The following FAM83B variants were observed in gnomAD, a reference collection of about 807,000 sequenced individuals.
FAM83B encodes the protein scaffolding CK1 anchoring protein B, also known as protein FAM83B.
Under a neutral mutation model 38.8 loss-of-function variants are expected in FAM83B, and 26 were observed. The observed-to-expected ratio is 0.67, with a 90% confidence interval of 0.49 to 0.93. The LOEUF (loss-of-function observed/expected upper bound fraction) is 0.93, where lower values mean the gene tolerates loss of function less well. Ranked by LOEUF, FAM83B falls within the 40% of genes least tolerant of loss-of-function variation. The pLI is 0.00. For synonymous variants in FAM83B, 419 were observed against 423.1 expected (o/e 0.99, Z 0.12); for missense variants, 1,237 against 1,197.3 (o/e 1.03, Z -0.49).
rs1158526784 is a variant in FAM83B at position 54,941,375 on chromosome 6, A to G, written c.2404A>G (p.Ser802Gly). Residue 802 changes from serine (S) to glycine (G), a missense_variant, in exon 5 of 5, where the codon AGT (serine) becomes GGT (glycine). Transcript: ENST00000306858. Reference protein sequence around the residue: ...NKAPAFYRLCSSSDTLVSEGE... With the variant: ...NKAPAFYRLCGSSDTLVSEGE... Reference sequence around the variant, plus strand: ...AGCACCTGCCTTTTATAGATTGTGTAGTAGCTCTGACACATTAGTTTCTGA... The same window carrying G: ...AGCACCTGCCTTTTATAGATTGTGTGGTAGCTCTGACACATTAGTTTCTGA... 7.4e-6 allele frequency: 12 copies of G among 1,613,546 alleles called. No homozygotes were observed. The highest frequency in any genetic ancestry group is 8.5e-6 in the Non-Finnish European group (10 of 1,179,890).
At chr6:54,931,836 AT>A (rs964730801) in intron 4 of FAM83B, among the ~76,000 whole-genome samples, 7 of 150,158 alleles carry the variant, frequency 4.7e-5, no homozygotes, top group African/African-American at 7.4e-5. Flanking sequence ...TACTATTGTC[AT>A]TTTTTTTCCA....
chr6:54,893,932 C>T (rs1772461526), intron 2 of FAM83B, among the ~76,000 whole-genome samples: 1 of 152,186 alleles, frequency 6.6e-6, no homozygotes, highest in African/African-American at 2.4e-5. Context: ...AATGATTTGA[C>T]ATTCTAATCA....
intron 1 of FAM83B, among the ~76,000 whole-genome samples, chr6:54,850,947 G>A (rs1161265264): frequency 6.7e-6 from 1 of 149,312 alleles, no homozygotes; most frequent in Non-Finnish European, 1.5e-5. Flanking sequence ...GAACCTGGGA[G>A]GCAGAGCTTG....
At chr6:54,918,142 T>C (rs1179267601) in intron 2 of FAM83B, among the ~76,000 whole-genome samples, 1 of 152,174 alleles carries the variant, frequency 6.6e-6, no homozygotes. Flanking sequence ...GATTCTATGG[T>C]AATGAAGTAT....
chr6:54,886,184 C>T (rs940657762), intron 2 of FAM83B, among the ~76,000 whole-genome samples: 18 of 152,056 alleles, frequency 1.2e-4, no homozygotes, highest in Admixed American at 1.2e-3. Context: ...ATTATATTTG[C>T]TGGTATTTTA....
chr6:54,900,261 G>A (rs187444322), intron 2 of FAM83B, among the ~76,000 whole-genome samples: 32 of 152,246 alleles, frequency 2.1e-4, no homozygotes, highest in Admixed American at 2.1e-3. Flanking sequence ...TCTTTCAGTG[G>A]GTTGGAGTGA....
intron 1 of FAM83B, among the ~76,000 whole-genome samples, chr6:54,862,835 G>C (rs1036554851): frequency 2.0e-5 from 3 of 151,382 alleles, no homozygotes; most frequent in African/African-American, 7.3e-5. Context: ...AGTGAGCCGA[G>C]ATCGCGCCAT....
chr6:54,854,475 C>T (rs983325886), intron 1 of FAM83B, among the ~76,000 whole-genome samples: 1 of 152,168 alleles, frequency 6.6e-6, no homozygotes, highest in African/African-American at 2.4e-5. Flanking sequence ...GATCAGTCAG[C>T]AGCCATCAAC....
At chr6:54,939,685 T>C in intron 4 of FAM83B, 21 bp from the exon 5 acceptor site, 1 of 1,539,900 alleles carries the variant, frequency 6.5e-7, no homozygotes, top group Non-Finnish European at 8.7e-7. Context: ...ATGATTAAAA[T>C]TTTTCCATTT....
chr6:54,883,574 G>A (rs888961428), intron 2 of FAM83B, among the ~76,000 whole-genome samples: 1 of 151,416 alleles, frequency 6.6e-6, no homozygotes, highest in Non-Finnish European at 1.5e-5. Flanking sequence ...AACCTCAGGT[G>A]ATCTGCCCTC....
chr6:54,878,963 T>C (rs745707609), intron 2 of FAM83B, among the ~76,000 whole-genome samples: 26 of 152,154 alleles, frequency 1.7e-4, no homozygotes, highest in Non-Finnish European at 1.8e-4. Context: ...ACATGGGATG[T>C]GAAATAGGTT....
intron 4 of FAM83B, among the ~76,000 whole-genome samples, chr6:54,931,364 A>T (rs896393559): frequency 6.6e-6 from 1 of 152,100 alleles, no homozygotes; most frequent in African/African-American, 2.4e-5. Flanking sequence ...CATTGCATTC[A>T]TTATTGAAAG....
At position 54,942,451 on chromosome 6, in the gene FAM83B, AT is replaced by A. The variant is rs1773726010; in HGVS notation, c.*446del. Among the ~76,000 whole-genome samples, 1 of 152,170 alleles carries A rather than the reference AT, an allele frequency of 6.6e-6. No homozygotes were observed. Among genetic ancestry groups the A allele is most frequent in the African/African-American group, 2.4e-5 (1 of 41,436 alleles). ...AAATGGGACAAAGCCCTTTTTTAAG[AT>A]TAACTTGAAGTTCTACGGGATAACT... On this transcript the variant is annotated 3_prime_UTR_variant, in exon 5 of 5. Transcript: ENST00000306858.
At chr6:54,856,461 T>A (rs72954849) in intron 1 of FAM83B, among the ~76,000 whole-genome samples, 2,878 of 152,272 alleles carry the variant, frequency 0.019, 60 homozygotes, top group South Asian at 0.088. Flanking sequence ...GTCAGAAGAA[T>A]TGAGCACAAT....
intron 2 of FAM83B, among the ~76,000 whole-genome samples, chr6:54,914,340 A>C (rs1772985811): frequency 6.6e-6 from 1 of 152,200 alleles, no homozygotes; most frequent in African/African-American, 2.4e-5. Flanking sequence ...GACATAATAA[A>C]AAATAACCTA....
chr6:54,873,642 CT>C (rs372541776), intron 2 of FAM83B, among the ~76,000 whole-genome samples: 4,946 of 137,394 alleles, frequency 0.036, 114 homozygotes, highest in Non-Finnish European at 0.053. Context: ...AAGGGATGAT[CT>C]TTTTTTTTCA....
At chr6:54,871,368 T>C (rs1185274205) in intron 2 of FAM83B, among the ~76,000 whole-genome samples, 1 of 151,678 alleles carries the variant, frequency 6.6e-6, no homozygotes, top group Admixed American at 6.6e-5. Context: ...CTCAGCACCA[T>C]GGTGGGCACT....
Position 54,915,412 on chromosome 6 carries a change from A to G in FAM83B, c.445-10959A>G, listed in dbSNP as rs184391907. ...GAGTCTTGTCACATCATCCTTTACA[A>G]CTTTACCTCCAACCCTTTTATTCCT... On this transcript the variant is annotated intron_variant, in intron 2 of 4. Transcript: ENST00000306858. 2.9e-3 allele frequency among the ~76,000 whole-genome samples: 436 copies of G among 152,168 alleles called. 1 individual carries two copies. Among genetic ancestry groups the G allele is most frequent in the Middle Eastern group, 6.8e-3 (2 of 294 alleles).
Position 54,914,392 on chromosome 6 carries a change from C to T in FAM83B, c.445-11979C>T, listed in dbSNP as rs76416988. Among the ~76,000 whole-genome samples, 1,255 of 152,098 alleles carry T rather than the reference C, an allele frequency of 8.3e-3. 14 individuals are homozygous for T. Among genetic ancestry groups the T allele is most frequent in the Non-Finnish European group, 0.011 (774 of 67,978 alleles). On this transcript the variant is annotated intron_variant, in intron 2 of 4. Coordinates refer to ENST00000306858, the MANE Select transcript of FAM83B (RefSeq NM_001010872.3). ...ACCTAGCACTTACATTCTGTCTCACCCTAGAGGTCACTTTTCATCAAACCC... is the reference window on the plus strand; with the variant it reads ...ACCTAGCACTTACATTCTGTCTCACTCTAGAGGTCACTTTTCATCAAACCC...
Sources: allele counts gnomAD v4.1 joint callset (sites outside exome capture counted in the v4.1 genomes callset), GRCh38; gene constraint gnomAD v4.1.1; transcripts MANE v1.5; gene names NCBI Gene and HGNC (gene_info 2026-07-23, HGNC 2026-07-21).